The following SPON1 variants were observed in gnomAD, a reference collection of about 807,000 sequenced individuals.
SPON1 encodes spondin-1.
Under a neutral mutation model 111.7 loss-of-function variants are expected in SPON1, and 52 were observed. The ratio of observed to expected loss-of-function variants is 0.47; its 90% CI spans 0.37 to 0.59. SPON1 has a LOEUF of 0.59. SPON1 is among the 20% of genes least tolerant of loss of function. The pLI, the probability that SPON1 is intolerant of heterozygous loss-of-function variation, is 0.00. For synonymous variants in SPON1, 410 were observed against 395.8 expected, an observed-to-expected ratio of 1.04 and a Z score of -0.43; for missense variants, 957 against 1,068.5, an observed-to-expected ratio of 0.90 and a Z score of 1.46.
intron 5 of SPON1, among the ~76,000 whole-genome samples, chr11:14,106,001 T>C (rs1381117791): frequency 6.6e-6 from 1 of 152,192 alleles, no homozygotes; most frequent in African/African-American, 2.4e-5. Flanking sequence ...TGGTTGGCAG[T>C]TTAAAGAGCA....
chr11:14,008,256 G>A (rs1848378704), intron 2 of SPON1, among the ~76,000 whole-genome samples: 1 of 152,186 alleles, frequency 6.6e-6, no homozygotes, highest in Non-Finnish European at 1.5e-5. Context: ...GGGAGGAGTA[G>A]CTGTGGATTT....
intron 9 of SPON1, 71 bp downstream of exon 9, chr11:14,255,858 T>G: frequency 1.3e-6 from 2 of 1,503,724 alleles, no homozygotes; most frequent in Non-Finnish European, 1.8e-6. Context: ...TACACCCTTC[T>G]GCTCTAGAAT....
chr11:14,044,658 C>T (rs1230117454), intron 3 of SPON1, among the ~76,000 whole-genome samples: 2 of 152,122 alleles, frequency 1.3e-5, no homozygotes, highest in Non-Finnish European at 2.9e-5. Context: ...CTCTCAATTC[C>T]AGTTTTCTAC....
At chr11:14,176,340 G>C (rs1554933080) in intron 6 of SPON1, among the ~76,000 whole-genome samples, 1 of 152,066 alleles carries the variant, frequency 6.6e-6, no homozygotes, top group Admixed American at 6.5e-5. Flanking sequence ...CTCCGTCTGA[G>C]AAACCGCCTC....
intron 5 of SPON1, among the ~76,000 whole-genome samples, chr11:14,103,985 T>C (rs1849165576): frequency 6.6e-6 from 1 of 152,216 alleles, no homozygotes; most frequent in Non-Finnish European, 1.5e-5. Flanking sequence ...AATATCATTA[T>C]GCTCTCATTA....
Position 14,238,319 on chromosome 11 carries a change from A to G in SPON1, c.826-5013A>G, listed in dbSNP as rs1848888648. ...CTGAGGTCTGAGCCTCAGTGCTACCAGCAGCAAAGGAATGTTTAGGATGAG... is the reference window on the plus strand; with the variant it reads ...CTGAGGTCTGAGCCTCAGTGCTACCGGCAGCAAAGGAATGTTTAGGATGAG... On this transcript the variant is annotated intron_variant, in intron 6 of 15. Transcript: ENST00000576479. Among the ~76,000 whole-genome samples the G allele has an allele frequency of 2.0e-5, 3 of 152,192 alleles. No individual in the cohort carries two copies. The South Asian group carries it at 6.2e-4, about 32-fold the overall frequency.
chr11:14,230,763 C>T (rs1848790247), intron 6 of SPON1, among the ~76,000 whole-genome samples: 1 of 109,574 alleles, frequency 9.1e-6, no homozygotes, highest in African/African-American at 3.7e-5. Context: ...TTCTCTCTCT[C>T]TTTCCTTCCT....
chr11:14,090,823 G>GCCCCC (rs1360339677), intron 5 of SPON1, among the ~76,000 whole-genome samples: 2 of 27,052 alleles, frequency 7.4e-5, no homozygotes, highest in Admixed American at 3.3e-4. Context: ...TCTCTTATCT[G>GCCCCC]GCCCCCCCCC....
At chr11:13,973,007 C>T (rs1229926617) in intron 1 of SPON1, among the ~76,000 whole-genome samples, 1 of 152,202 alleles carries the variant, frequency 6.6e-6, no homozygotes, top group Non-Finnish European at 1.5e-5. Flanking sequence ...CTTCTACCTT[C>T]TCTGTCTTGC....
chr11:14,231,738 C>T (rs1848805067), intron 6 of SPON1, among the ~76,000 whole-genome samples: 3 of 151,978 alleles, frequency 2.0e-5, no homozygotes. Flanking sequence ...TTTAATATAT[C>T]TTACAGATAC....
intron 6 of SPON1, among the ~76,000 whole-genome samples, chr11:14,162,750 G>C (rs1046341205): frequency 2.0e-5 from 3 of 152,132 alleles, no homozygotes; most frequent in Non-Finnish European, 4.4e-5. Flanking sequence ...ACTGGTATAA[G>C]GAGGTTTGAG....
At chr11:14,038,367 G>A (rs536756700) in intron 2 of SPON1, among the ~76,000 whole-genome samples, 1 of 152,078 alleles carries the variant, frequency 6.6e-6, no homozygotes, top group South Asian at 2.1e-4. Context: ...TACTTGGAAG[G>A]CTGAGGCAGG....
chr11:14,166,072 G>C (rs782743379), intron 6 of SPON1, among the ~76,000 whole-genome samples: 1 of 151,388 alleles, frequency 6.6e-6, no homozygotes, highest in Non-Finnish European at 1.5e-5. Context: ...CAGGAACCTG[G>C]TACAGGGACT....
chr11:14,168,543 T>C (rs1342667612), intron 6 of SPON1, among the ~76,000 whole-genome samples: 1 of 152,206 alleles, frequency 6.6e-6, no homozygotes, highest in Non-Finnish European at 1.5e-5. Context: ...AGGGTACATG[T>C]GCACAACGTG....
chr11:14,253,696 T>C (rs527899900), intron 7 of SPON1, among the ~76,000 whole-genome samples: 12 of 152,268 alleles, frequency 7.9e-5, no homozygotes, highest in Non-Finnish European at 1.5e-4. Flanking sequence ...GGGTGCAGAG[T>C]CAGGCCAAGC....
intron 2 of SPON1, among the ~76,000 whole-genome samples, chr11:14,025,354 T>C (rs1848509732): frequency 6.6e-6 from 1 of 152,260 alleles, no homozygotes; most frequent in African/African-American, 2.4e-5. Context: ...TCTACAAATA[T>C]TGATCAAGTA....
intron 5 of SPON1, among the ~76,000 whole-genome samples, chr11:14,094,124 A>C (rs1849080269): frequency 6.6e-6 from 1 of 151,576 alleles, no homozygotes; most frequent in Non-Finnish European, 1.5e-5. Context: ...AGGCACGAGA[A>C]TCGCTTGAAC....
rs55709324 is a variant in SPON1, at chr11:14,229,951, CGTGTGTGTGT to C, written c.826-13352_826-13343del. On this transcript the variant is annotated intron_variant, in intron 6 of 15. Coordinates refer to ENST00000576479, the MANE Select transcript of SPON1 (RefSeq NM_006108.4). The stretch of plus-strand genomic sequence containing the variant: ...GTGTCTGTCTGTCTGTCTGTGTGTC[CGTGTGTGTGT>C]GTGTGTGTGTGTGTGTGTGTGTGTG... 2.2e-3 allele frequency among the ~76,000 whole-genome samples: 313 copies of C among 145,054 alleles called. 3 individuals are homozygous for C. Among genetic ancestry groups the C allele is most frequent in the Middle Eastern group, 0.011 (3 of 282 alleles).
At chr11:14,246,489 A>C (rs143348259) in intron 7 of SPON1, among the ~76,000 whole-genome samples, 64 of 152,256 alleles carry the variant, frequency 4.2e-4, no homozygotes, top group African/African-American at 1.5e-3. Context: ...TTAAGTAACA[A>C]TTCATTCATT....
Sources: allele counts gnomAD v4.1 joint callset (sites outside exome capture counted in the v4.1 genomes callset), GRCh38; gene constraint gnomAD v4.1.1; transcripts MANE v1.5; gene names NCBI Gene and HGNC (gene_info 2026-07-23, HGNC 2026-07-21).